Variants in GALNT13 observed in about 807,000 individuals in gnomAD.
GALNT13 encodes polypeptide N-acetylgalactosaminyltransferase 13.
GALNT13 carries 28 observed loss-of-function variants against 64.2 expected under a neutral mutation model. That is an observed-to-expected ratio of 0.44 (90% CI 0.32 to 0.60). The LOEUF (loss-of-function observed/expected upper bound fraction) is 0.60. Ranked by LOEUF, GALNT13 falls within the 20% of genes least tolerant of loss-of-function variation. The pLI is 0.05. For missense variants in GALNT13, 577 were observed against 669.8 expected, an observed-to-expected ratio of 0.86 and a Z score of 1.53; for synonymous variants, 214 against 224.6, an observed-to-expected ratio of 0.95 and a Z score of 0.42.
the GALNT13 span, among the ~76,000 whole-genome samples, chr2:153,192,459 A>C: frequency 6.6e-6 from 1 of 152,116 alleles, no homozygotes; most frequent in African/African-American, 2.4e-5. Flanking sequence ...CATGTGGTCT[A>C]TCGTAATGTT....
chr2:153,367,250 A>G, the GALNT13 span, among the ~76,000 whole-genome samples: 41 of 152,266 alleles, frequency 2.7e-4, no homozygotes, highest in Admixed American at 1.1e-3. Flanking sequence ...ATAAAAGTAA[A>G]GGGTCTGATA....
chr2:153,928,227 G>A (rs945391657), intron 2 of GALNT13, among the ~76,000 whole-genome samples: 1 of 151,984 alleles, frequency 6.6e-6, no homozygotes, highest in Non-Finnish European at 1.5e-5. Context: ...TGGAAGCCTA[G>A]ATAAGAAATA....
intron 4 of GALNT13, among the ~76,000 whole-genome samples, chr2:154,233,064 GAA>G: frequency 7.1e-6 from 1 of 140,850 alleles, no homozygotes; most frequent in East Asian, 2.1e-4. Context: ...AAAAGAAAAA[GAA>G]AAGAAAAAAA....
chr2:154,120,010 C>T (rs979623203), intron 3 of GALNT13, among the ~76,000 whole-genome samples: 2 of 152,102 alleles, frequency 1.3e-5, no homozygotes, highest in Non-Finnish European at 2.9e-5. Context: ...ATTCTTGTTT[C>T]CTTGCATTGT....
intron 3 of GALNT13, among the ~76,000 whole-genome samples, chr2:154,001,301 AG>A (rs1321139151): frequency 6.6e-6 from 1 of 151,970 alleles, no homozygotes; most frequent in Non-Finnish European, 1.5e-5. Context: ...TATTGTTGAT[AG>A]GTAAGGGTTT....
chr2:154,359,150 C>T (rs1020096311), intron 9 of GALNT13, among the ~76,000 whole-genome samples: 1 of 151,952 alleles, frequency 6.6e-6, no homozygotes, highest in Non-Finnish European at 1.5e-5. Flanking sequence ...CTGCCCTTCA[C>T]AGTGGAGTTA....
the GALNT13 span, among the ~76,000 whole-genome samples, chr2:153,826,524 A>T: frequency 6.6e-6 from 1 of 152,148 alleles, no homozygotes; most frequent in Non-Finnish European, 1.5e-5. Context: ...TACTTCCCCT[A>T]CAAGTGTTCC....
chr2:153,302,279 G>A, the GALNT13 span, among the ~76,000 whole-genome samples: 77,976 of 151,916 alleles, frequency 0.51, 20,653 homozygotes, highest in Non-Finnish European at 0.57. Flanking sequence ...TGAGCTCACT[G>A]TGCTTTTAAT....
the GALNT13 span, among the ~76,000 whole-genome samples, chr2:153,670,824 C>G: frequency 6.6e-6 from 1 of 152,216 alleles, no homozygotes; most frequent in Non-Finnish European, 1.5e-5. Flanking sequence ...AGACGAATGT[C>G]TAAATAGAAT....
chr2:154,220,141 TG>T (rs1411807415), intron 4 of GALNT13, among the ~76,000 whole-genome samples: 2 of 152,090 alleles, frequency 1.3e-5, no homozygotes, highest in African/African-American at 4.8e-5. Flanking sequence ...CTTGGCTTTA[TG>T]GACATCTACC....
intron 3 of GALNT13, among the ~76,000 whole-genome samples, chr2:154,123,795 T>C (rs926821898): frequency 2.6e-5 from 4 of 152,006 alleles, no homozygotes; most frequent in African/African-American, 7.2e-5. Context: ...ATTCTATGTG[T>C]ACAAATGCGA....
chr2:153,380,975 G>A, the GALNT13 span, among the ~76,000 whole-genome samples: 9 of 152,074 alleles, frequency 5.9e-5, no homozygotes, highest in East Asian at 1.8e-3. Flanking sequence ...GTCTCATTCT[G>A]TCACCCAGGC....
At chr2:153,103,036 C>T in the GALNT13 span, among the ~76,000 whole-genome samples, 1 of 152,128 alleles carries the variant, frequency 6.6e-6, no homozygotes, top group Non-Finnish European at 1.5e-5. Flanking sequence ...GTCCCCCTGC[C>T]TTTAAACTTG....
the GALNT13 span, among the ~76,000 whole-genome samples, chr2:153,698,275 C>T: frequency 7.2e-5 from 11 of 152,024 alleles, no homozygotes; most frequent in African/African-American, 2.7e-4. Flanking sequence ...GGGCTAAATG[C>T]CCCAATTAAA....
chr2:154,007,167 T>C lies in GALNT13; in HGVS notation c.142+62528T>C, dbSNP rs1428405578. 2.0e-5 allele frequency among the ~76,000 whole-genome samples: 3 copies of C among 152,246 alleles called. No homozygotes were observed. In the East Asian group the frequency reaches 5.8e-4, roughly 29 times the overall value. On this transcript the variant is annotated intron_variant, in intron 3 of 12. Transcript: ENST00000392825. ...GAAGTAGTAAGCTGCCATATCATAA[T>C]AGGGCCCTGTGGCGAGGCACTGTGA...
chr2:153,570,202 T>C, the GALNT13 span, among the ~76,000 whole-genome samples: 1 of 152,148 alleles, frequency 6.6e-6, no homozygotes, highest in Non-Finnish European at 1.5e-5. Flanking sequence ...ATCAGTGATG[T>C]TGAGCACCTT....
chr2:153,567,270 C>T, the GALNT13 span, among the ~76,000 whole-genome samples: 1 of 152,162 alleles, frequency 6.6e-6, no homozygotes, highest in Non-Finnish European at 1.5e-5. Context: ...TTGAGATGGT[C>T]AAGACGCAGA....
the GALNT13 span, among the ~76,000 whole-genome samples, chr2:153,525,264 G>A: frequency 7.4e-3 from 1,127 of 152,300 alleles, 11 homozygotes; most frequent in African/African-American, 0.026. Context: ...GTACTACATT[G>A]AGGGCTCAGG....
the GALNT13 span, among the ~76,000 whole-genome samples, chr2:153,143,774 A>G: frequency 2.0e-5 from 3 of 152,040 alleles, no homozygotes; most frequent in Admixed American, 6.6e-5. Context: ...ACTTTAAAAA[A>G]CGGAGTGAAA....
Sources: gnomAD v4.1 joint callset for allele counts (sites outside exome capture counted in the v4.1 genomes callset) on GRCh38, gnomAD v4.1.1 for gene constraint, MANE v1.5 for transcripts, NCBI Gene and HGNC (gene_info 2026-07-23, HGNC 2026-07-21) for gene names.